Variants in MDFIC2 observed in about 807,000 individuals in gnomAD.
MDFIC2 encodes MyoD family inhibitor domain containing 2.
intron 2 of MDFIC2, among the ~76,000 whole-genome samples, chr3:70,235,754 GACTT>G (rs1391635152): frequency 2.0e-5 from 3 of 152,150 alleles, no homozygotes; most frequent in Non-Finnish European, 4.4e-5. Flanking sequence ...ATTGCTGTAT[GACTT>G]AGGACAAATT....
chr3:70,267,582 T>TTG (rs1393567201), intron 2 of MDFIC2, among the ~76,000 whole-genome samples: 11 of 146,712 alleles, frequency 7.5e-5, no homozygotes, highest in African/African-American at 2.2e-4. Flanking sequence ...TTTTGTATTT[T>TTG]TTTTTTTTTT....
chr3:70,250,512 G>C (rs1701754525), intron 2 of MDFIC2, among the ~76,000 whole-genome samples: 2 of 151,524 alleles, frequency 1.3e-5, no homozygotes, highest in Non-Finnish European at 2.9e-5. Context: ...ATTTCTTTGA[G>C]CTTTTAGATA....
At chr3:70,290,789 A>G (rs1702229555) in intron 2 of MDFIC2, among the ~76,000 whole-genome samples, 1 of 152,116 alleles carries the variant, frequency 6.6e-6, no homozygotes, top group Non-Finnish European at 1.5e-5. Context: ...CTTGTCGGAA[A>G]AGCGCAGTAT....
At chr3:70,215,690 T>C (rs1189738954) in intron 2 of MDFIC2, among the ~76,000 whole-genome samples, 2 of 152,144 alleles carry the variant, frequency 1.3e-5, no homozygotes, top group Non-Finnish European at 2.9e-5. Flanking sequence ...CTCTCCTTTC[T>C]GTTGTGAACT....
intron 3 of MDFIC2, chr3:70,204,571 C>G (rs1701272975): frequency 6.6e-6 from 1 of 152,090 alleles, no homozygotes; most frequent in African/African-American, 2.4e-5. Flanking sequence ...CAGCTTACAA[C>G]CTGAATTTCT....
At chr3:70,280,486 G>C (rs1049399255) in intron 2 of MDFIC2, among the ~76,000 whole-genome samples, 1 of 152,056 alleles carries the variant, frequency 6.6e-6, no homozygotes, top group Admixed American at 6.6e-5. Flanking sequence ...TTTCACCCTT[G>C]CCTCAAGCCC....
rs1244624113 is a variant in MDFIC2, at chr3:70,206,180, A to G, written c.310+389T>C. The stretch of plus-strand genomic sequence containing the variant: ...AATTTTTTATGCTGTCTATATTTAT[A>G]TATTTCCGGCATTTTAATACTATTT... On this transcript the variant is annotated intron_variant, in intron 3 of 3. Transcript: ENST00000567252. 6.6e-5 allele frequency among the ~76,000 whole-genome samples: 10 copies of G among 152,080 alleles called. No individual in the cohort carries two copies. In the East Asian group the frequency reaches 1.6e-3, roughly 24 times the overall value.
chr3:70,301,040 T>G (rs1702343610), intron 2 of MDFIC2, among the ~76,000 whole-genome samples: 2 of 152,140 alleles, frequency 1.3e-5, no homozygotes, highest in Non-Finnish European at 2.9e-5. Context: ...CCGCTCTTTA[T>G]GTTATAGTTT....
chr3:70,204,343 T>C (rs1357837774), intron 3 of MDFIC2: 1 of 152,174 alleles, frequency 6.6e-6, no homozygotes, highest in Non-Finnish European at 1.5e-5. Flanking sequence ...TTAATTACAA[T>C]TACTATCGAA....
At chr3:70,310,309 A>T (rs1243506656) in intron 2 of MDFIC2, among the ~76,000 whole-genome samples, 2 of 151,946 alleles carry the variant, frequency 1.3e-5, no homozygotes, top group Non-Finnish European at 2.9e-5. Flanking sequence ...ATTGGGCAGA[A>T]ATAATCATCT....
chr3:70,284,765 G>C (rs751844500), intron 2 of MDFIC2, among the ~76,000 whole-genome samples: 19 of 152,112 alleles, frequency 1.2e-4, no homozygotes, highest in Non-Finnish European at 2.5e-4. Context: ...GGTAGGAGGA[G>C]ACAGAGGATC....
intron 2 of MDFIC2, among the ~76,000 whole-genome samples, chr3:70,254,907 C>A (rs769238580): frequency 1.3e-5 from 2 of 152,080 alleles, no homozygotes; most frequent in Non-Finnish European, 2.9e-5. Context: ...TTTCCTTTTC[C>A]GACTGTAACA....
intron 2 of MDFIC2, among the ~76,000 whole-genome samples, chr3:70,247,145 C>T (rs1217593302): frequency 6.6e-6 from 1 of 151,892 alleles, no homozygotes; most frequent in African/African-American, 2.4e-5. Context: ...TATTCTTGGC[C>T]ATTGGATTGA....
intron 2 of MDFIC2, among the ~76,000 whole-genome samples, chr3:70,270,013 A>G (rs1331868936): frequency 6.6e-6 from 1 of 152,264 alleles, no homozygotes; most frequent in Non-Finnish European, 1.5e-5. Flanking sequence ...CAACTGGACA[A>G]GAGTACAGTG....
At chr3:70,203,626 G>A (rs900757861) in intron 3 of MDFIC2, among the ~76,000 whole-genome samples, 6 of 152,042 alleles carry the variant, frequency 3.9e-5, no homozygotes, top group African/African-American at 1.4e-4. Context: ...GGTGACACTG[G>A]TGCATTTAAT....
At chr3:70,222,267 T>C (rs928289696) in intron 2 of MDFIC2, among the ~76,000 whole-genome samples, 1 of 152,200 alleles carries the variant, frequency 6.6e-6, no homozygotes, top group African/African-American at 2.4e-5. Flanking sequence ...CAACTGGAGA[T>C]GAAGACTCTT....
intron 2 of MDFIC2, among the ~76,000 whole-genome samples, chr3:70,293,248 CATAAA>C (rs1221026244): frequency 6.6e-6 from 1 of 151,838 alleles, no homozygotes; most frequent in African/African-American, 2.4e-5. Context: ...TTCTTAAATG[CATAAA>C]ATAAAGTACA....
In MDFIC2 at chr3:70,236,673, G is replaced by A. The variant is rs572659045; in HGVS notation, c.89-29883C>T. Among the ~76,000 whole-genome samples the A allele has an allele frequency of 5.3e-5, 8 of 152,176 alleles. No individual in the cohort carries two copies. In the South Asian group the frequency reaches 1.7e-3, roughly 32 times the overall value. The stretch of plus-strand genomic sequence containing the variant: ...TGCAGCGGCACAATCATGGCTCGCT[G>A]CAGTCTCAACCTCCCAGGTCCAAGC... On this transcript the variant is annotated intron_variant, in intron 2 of 3. Transcript: ENST00000567252.
At chr3:70,293,813 G>A (rs534850919) in intron 2 of MDFIC2, among the ~76,000 whole-genome samples, 2 of 152,026 alleles carry the variant, frequency 1.3e-5, no homozygotes, top group East Asian at 1.9e-4. Context: ...AAGACCTTAG[G>A]AACCTGGTTA....
Sources: allele counts gnomAD v4.1 joint callset (sites outside exome capture counted in the v4.1 genomes callset), GRCh38; gene constraint gnomAD v4.1.1; transcripts MANE v1.5; gene names NCBI Gene and HGNC (gene_info 2026-07-23, HGNC 2026-07-21).